Variants in SMOX observed in about 807,000 individuals in gnomAD.
SMOX encodes the protein spermine oxidase.
Under a neutral mutation model 51.0 loss-of-function variants are expected in SMOX, and 22 were observed. That is an observed-to-expected ratio of 0.43 (90% confidence interval 0.31 to 0.62). The LOEUF (loss-of-function observed/expected upper bound fraction) is 0.62. Ranked by LOEUF, SMOX falls within the 20% of genes least tolerant of loss-of-function variation. SMOX has a pLI of 0.10. For synonymous variants in SMOX, 282 were observed against 307.8 expected (o/e 0.92, Z 0.88); for missense variants, 566 against 777.7 (o/e 0.73, Z 3.24).
rs776530106 is a variant in SMOX, at chr20:4,182,866, CGA to C, written c.1369+19_1369+20del. On this transcript the variant is annotated intron_variant, in intron 5 of 6. Coordinates refer to ENST00000305958, the MANE Select transcript of SMOX (RefSeq NM_175839.3). The surrounding 1 kb of genome is among the most constrained non-coding windows in gnomAD (Gnocchi z 8.4). ...GTTCACAGGTGCGCCACGTGCCCCA[CGA>C]CCCGCTTCCCCCACCCTGCTTCTTC... is the stretch of plus-strand genomic sequence containing the variant. 4.8e-5 allele frequency: 76 copies of C among 1,589,644 alleles called. No individual in the cohort carries two copies. The African/African-American group carries it at 8.8e-4, about 18-fold the overall frequency.
rs141131602 is a variant in SMOX, at chr20:4,174,386, G to A, written c.-26-644G>A. On this transcript the variant is annotated intron_variant, in intron 1 of 6. Transcript: ENST00000305958. ...GTCCATGCAAGTATCTTCGGGTCCAGGCAAGTATCCGGGGTCCATGCAAGT... is the reference window on the plus strand; with the variant it reads ...GTCCATGCAAGTATCTTCGGGTCCAAGCAAGTATCCGGGGTCCATGCAAGT... 2.2e-3 allele frequency among the ~76,000 whole-genome samples: 333 copies of A among 151,998 alleles called. 4 individuals are homozygous for A. The South Asian group carries it at 0.027, about 12-fold the overall frequency.
chr20:4,155,555 G>A (rs776521648), intron 1 of SMOX, among the ~76,000 whole-genome samples: 11 of 152,224 alleles, frequency 7.2e-5, no homozygotes, highest in Middle Eastern at 6.8e-3. Context: ...CACACGGTTT[G>A]CTGGGTGGGG....
intron 1 of SMOX, among the ~76,000 whole-genome samples, chr20:4,171,428 C>T (rs888393508): frequency 6.6e-6 from 1 of 152,112 alleles, no homozygotes; most frequent in Non-Finnish European, 1.5e-5. Flanking sequence ...TCAGTTGGAC[C>T]ACAGGGTGTG....
rs1485955086 is a variant in SMOX at position 4,187,446 on chromosome 20, A to AC, written c.*41dup. On this transcript the variant is annotated 3_prime_UTR_variant, in exon 7 of 7. Coordinates refer to ENST00000305958, the MANE Select transcript of SMOX (RefSeq NM_175839.3). The surrounding 1 kb of genome is among the most constrained non-coding windows in gnomAD (Gnocchi z 4.8). ...TGCTGAGAAGAGCCACTAACTCGTGACCTCCAGCCTGCCCCTTGCTGCCGT... is the reference window on the plus strand; with the variant it reads ...TGCTGAGAAGAGCCACTAACTCGTGACCCTCCAGCCTGCCCCTTGCTGCCGT... 36 of 1,599,736 alleles carry AC rather than the reference A, an allele frequency of 2.3e-5. No homozygotes were observed. The highest frequency in any genetic ancestry group is 3.0e-5 in the Non-Finnish European group (35 of 1,170,656).
chr20:4,179,426 A>G lies in SMOX; in HGVS notation c.435+1849A>G, dbSNP rs933007545. ...GGTGGTGATGTTTTGAGTCAAAAGG[A>G]TAAGGCGTAACCCTGATGTCAAGAT... On this transcript the variant is annotated intron_variant, in intron 3 of 6. Transcript: ENST00000305958. Among the ~76,000 whole-genome samples, 6 of 152,300 alleles carry G rather than the reference A, an allele frequency of 3.9e-5. 1 individual carries two copies. The highest frequency in any genetic ancestry group is 4.1e-4 in the South Asian group (2 of 4,828).
At chr20:4,161,464 C>T (rs1986314005) in intron 1 of SMOX, among the ~76,000 whole-genome samples, 1 of 152,222 alleles carries the variant, frequency 6.6e-6, no homozygotes, top group Non-Finnish European at 1.5e-5. Context: ...TTTCTGACCC[C>T]ATCAGCTTGT....
chr20:4,175,225 C>T lies in SMOX; in HGVS notation c.170C>T (p.Ser57Phe), dbSNP rs1260031190. Residue 57 changes from serine to phenylalanine, a missense_variant, in exon 2 of 7, where the codon TCC becomes TTC. Ser to Phe is a radical substitution (Grantham distance 155). This residue lies in a region of SMOX where 217 missense variants were observed against 278.4 expected (regional missense o/e 0.78). Transcript: ENST00000305958. Reference sequence around the variant, plus strand: ...ACGGATGTCACTGTGCTTGAGGCTTCCAGCCACATCGGAGGCCGTGTGCAG... The same window carrying T: ...ACGGATGTCACTGTGCTTGAGGCTTTCAGCCACATCGGAGGCCGTGTGCAG... ...GFTDVTVLEA[S>F]SHIGGRVQSV... is the part of the protein sequence containing the mutation. The T allele has an allele frequency of 6.2e-7, 1 of 1,614,206 alleles. No homozygotes were observed. Among genetic ancestry groups the T allele is most frequent in the South Asian group, 1.1e-5 (1 of 91,070 alleles).
chr20:4,159,403 C>T (rs375448740), intron 1 of SMOX, among the ~76,000 whole-genome samples: 3 of 152,198 alleles, frequency 2.0e-5, no homozygotes, highest in Non-Finnish European at 2.9e-5. Context: ...TGAGCCACTG[C>T]GCCCAGCTGC....
Position 4,183,664 on chromosome 20 carries a change from G to C in SMOX, c.1530+10G>C, listed in dbSNP as rs759368523. The C allele has an allele frequency of 1.2e-5, 19 of 1,555,558 alleles. No homozygotes were observed. The highest frequency in any genetic ancestry group is 9.6e-5 in the Admixed American group (5 of 52,198). ...GAGCTCAAAGACAGCGGTAAGCGGG[G>C]CGTTTGGGGTGAGGAGGGGAGTTGT... On this transcript the variant is annotated intron_variant, in intron 6 of 6. Transcript: ENST00000305958. This position sits in a 1 kb window ranked among gnomAD's most constrained non-coding sequence, Gnocchi z 4.3.
rs545317743 is a variant in SMOX, at chr20:4,167,377, T to A, written c.-26-7653T>A. ...TGGTCTCTTTGGGGATCTTCCTCCC[T>A]CTCCCGCCCTCTCCGAGATGACCTT... On this transcript the variant is annotated intron_variant, in intron 1 of 6. Coordinates refer to ENST00000305958, the MANE Select transcript of SMOX (RefSeq NM_175839.3). The surrounding 1 kb of genome is among the most constrained non-coding windows in gnomAD (Gnocchi z 4.8). Among the ~76,000 whole-genome samples the A allele has an allele frequency of 3.3e-5, 5 of 152,254 alleles. No homozygotes were observed. Among genetic ancestry groups the A allele is most frequent in the African/African-American group, 1.2e-4 (5 of 41,536 alleles).
Position 4,183,691 on chromosome 20 carries a change from G to T in SMOX, c.1530+37G>T. The T allele has an allele frequency of 1.3e-6, 2 of 1,535,136 alleles. No homozygotes were observed. The highest frequency in any genetic ancestry group is 1.7e-6 in the Non-Finnish European group (2 of 1,145,644). ...GTTTGGGGTGAGGAGGGGAGTTGTG[G>T]GTGTATTTTGTATGTGTGTCCGGTC... On this transcript the variant is annotated intron_variant, in intron 6 of 6. Coordinates refer to ENST00000305958, the MANE Select transcript of SMOX (RefSeq NM_175839.3). The surrounding 1 kb of genome is among the most constrained non-coding windows in gnomAD (Gnocchi z 4.3).
At position 4,187,528 on chromosome 20, in the gene SMOX, C is replaced by A; in HGVS notation, c.*121C>A. 1 of 1,424,616 alleles carries A rather than the reference C, an allele frequency of 7.0e-7. No homozygotes were observed. Among genetic ancestry groups the A allele is most frequent in the Non-Finnish European group, 9.5e-7 (1 of 1,057,502 alleles). 88.2% of individuals were successfully genotyped at this position (1,424,616 alleles called of 1,614,324 possible). On this transcript the variant is annotated 3_prime_UTR_variant, in exon 7 of 7. Transcript: ENST00000305958. The surrounding 1 kb of genome is among the most constrained non-coding windows in gnomAD (Gnocchi z 4.8). ...GGATTTTTATCTTCTGTAGAGCTAG[C>A]CGCCCTGACTGCCTTCAGACCTGGC... is the stretch of plus-strand genomic sequence containing the variant.
intron 1 of SMOX, among the ~76,000 whole-genome samples, chr20:4,168,588 G>C (rs1238862084): frequency 6.7e-6 from 1 of 148,620 alleles, no homozygotes; most frequent in Non-Finnish European, 1.5e-5. Context: ...ACGGAGTCTC[G>C]CTCTGTCACC....
intron 1 of SMOX, among the ~76,000 whole-genome samples, chr20:4,157,840 C>T (rs12624404): frequency 0.48 from 72,500 of 151,560 alleles, 18,134 homozygotes; most frequent in African/African-American, 0.62. Flanking sequence ...ACCTCCTTTC[C>T]TCTGTGGTGT....
At chr20:4,158,398 G>C (rs1986141418) in intron 1 of SMOX, among the ~76,000 whole-genome samples, 1 of 152,118 alleles carries the variant, frequency 6.6e-6, no homozygotes, top group South Asian at 2.1e-4. Context: ...CTAAATCTGG[G>C]GCTGGGAGGT....
At chr20:4,157,931 C>T (rs1268753929) in intron 1 of SMOX, among the ~76,000 whole-genome samples, 4 of 151,666 alleles carry the variant, frequency 2.6e-5, no homozygotes, top group Non-Finnish European at 4.4e-5. Flanking sequence ...GTTGGAGTCT[C>T]GCTCTGTCGC....
chr20:4,167,766 C>T lies in SMOX; in HGVS notation c.-26-7264C>T, dbSNP rs1986630223. On this transcript the variant is annotated intron_variant, in intron 1 of 6. Transcript: ENST00000305958. This position sits in a 1 kb window ranked among gnomAD's most constrained non-coding sequence, Gnocchi z 4.8. ...CCACACCTGTACCCCGATTCTCCCA[C>T]CGTGGCAGCCCAGCCTGGCCCAGCA... is the stretch of plus-strand genomic sequence containing the variant. 1.3e-5 allele frequency among the ~76,000 whole-genome samples: 2 copies of T among 152,168 alleles called. No homozygotes were observed. The highest frequency in any genetic ancestry group is 4.8e-5 in the African/African-American group (2 of 41,430).
chr20:4,160,786 G>C (rs1410963019), intron 1 of SMOX, among the ~76,000 whole-genome samples: 1 of 152,212 alleles, frequency 6.6e-6, no homozygotes, highest in Non-Finnish European at 1.5e-5. Flanking sequence ...TCCACCTTCA[G>C]GGAGGAAGGC....
intron 1 of SMOX, among the ~76,000 whole-genome samples, chr20:4,150,824 CTTTTTTTTT>C (rs753050845): frequency 8.4e-5 from 9 of 107,680 alleles, no homozygotes; most frequent in African/African-American, 3.4e-4. Context: ...CATCTACTCA[CTTTTTTTTT>C]TTTTTTTTTT....
Sources: allele counts gnomAD v4.1 joint callset (sites outside exome capture counted in the v4.1 genomes callset), GRCh38; gene constraint gnomAD v4.1.1; regional missense constraint gnomAD v4.1.1; non-coding constraint Gnocchi (gnomAD v3.1); transcripts MANE v1.5; gene names NCBI Gene and HGNC (gene_info 2026-07-23, HGNC 2026-07-21).